The following TMEM260 variants were observed in gnomAD, a reference collection of about 807,000 sequenced individuals.
TMEM260 encodes the protein protein O-mannosyl-transferase TMEM260.
A neutral mutation model predicts 88.9 loss-of-function variants in TMEM260; 82 were observed. That is an observed-to-expected ratio of 0.92 (90% confidence interval 0.77 to 1.11). The LOEUF is 1.11. Among genes scored for constraint, TMEM260 ranks in the 50% least tolerant of loss-of-function variants. The probability of loss-of-function intolerance (pLI) is 0.00; values close to 1 mark genes in which losing one functional copy is unlikely to be tolerated. For missense variants in TMEM260, 902 were observed against 853.4 expected, an observed-to-expected ratio of 1.06 and a Z score of -0.71; for synonymous variants, 314 against 309.3, an observed-to-expected ratio of 1.02 and a Z score of -0.16.
chr14:56,579,972 C>T lies in TMEM260; in HGVS notation c.58C>T (p.Leu20=). The T allele has an allele frequency of 8.0e-7, 1 of 1,243,096 alleles. No individual in the cohort carries two copies. The highest frequency in any genetic ancestry group is 1.0e-6 in the Non-Finnish European group (1 of 989,092). The allele number at this position is 1,243,096 out of a possible 1,614,324, so 77.0% of individuals were successfully genotyped here. ...QAQGRAVRVG[L]RRSGGIRGGV... ...CCAGGGGCGGGCAGTCCGAGTGGGG[C>T]TGCGGCGCTCCGGGGGCATCCGCGG... The change falls in exon 1 of 16, where the codon CTG becomes TTG. Residue 20 remains leucine (L), a synonymous_variant. Transcript: ENST00000261556.
intron 10 of TMEM260, among the ~76,000 whole-genome samples, chr14:56,619,845 TA>T (rs770783919): frequency 2.0e-5 from 3 of 152,212 alleles, no homozygotes; most frequent in Admixed American, 6.5e-5. Context: ...TGCGAATGTT[TA>T]TTACAGCGCT....
intron 12 of TMEM260, among the ~76,000 whole-genome samples, chr14:56,630,814 T>A (rs1888542880): frequency 1.3e-5 from 2 of 152,182 alleles, no homozygotes; most frequent in South Asian, 4.1e-4. Flanking sequence ...GAATGATGAC[T>A]TTTTGGTCTG....
chr14:56,612,478 T>G, intron 7 of TMEM260, 193 bp downstream of exon 7: 1 of 584,504 alleles, frequency 1.7e-6, no homozygotes, highest in Non-Finnish European at 3.0e-6. Context: ...CAGGAACTCC[T>G]AAGGATATAA....
downstream of TMEM260, among the ~76,000 whole-genome samples, chr14:56,653,747 A>AAAAAAAACAACAAC (rs1555343550): frequency 4.1e-5 from 6 of 146,714 alleles, no homozygotes; most frequent in Non-Finnish European, 1.5e-5. Flanking sequence ...AAAACAAAAA[A>AAAAAAAACAACAAC]AAAAAAAACA....
intron 8 of TMEM260, 64 bp from the exon 9 acceptor site, chr14:56,617,119 G>A: frequency 1.0e-6 from 1 of 971,894 alleles, no homozygotes; most frequent in Non-Finnish European, 1.5e-6. Context: ...TTAAAGTCCT[G>A]TGATATTATA....
At chr14:56,586,652 A>T (rs539089954) in intron 3 of TMEM260, among the ~76,000 whole-genome samples, 4 of 152,104 alleles carry the variant, frequency 2.6e-5, no homozygotes, top group Non-Finnish European at 5.9e-5. Context: ...CCAAATTAAA[A>T]CACTTCTTCT....
chr14:56,631,834 T>TATCTA (rs1888628770), intron 12 of TMEM260, among the ~76,000 whole-genome samples: 2 of 152,162 alleles, frequency 1.3e-5, no homozygotes. Context: ...TGTTTCTATC[T>TATCTA]ATCTGTTGGG....
At position 56,584,295 on chromosome 14, in the gene TMEM260, A is replaced by G. The variant is rs182032630; in HGVS notation, c.161-706A>G. Among the ~76,000 whole-genome samples, 9 of 152,242 alleles carry G rather than the reference A, an allele frequency of 5.9e-5. No individual in the cohort carries two copies. The South Asian group carries it at 6.2e-4, about 11-fold the overall frequency. On this transcript the variant is annotated intron_variant, in intron 1 of 15. Coordinates refer to ENST00000261556, the MANE Select transcript of TMEM260 (RefSeq NM_017799.4). ...ATTCCTTACATTGTACGGTACTACA[A>G]TGTACAGGGATGAGTCAGAAATAGT...
chr14:56,649,999 G>T (rs772914971), downstream of TMEM260: 1 of 412,856 alleles, frequency 2.4e-6, no homozygotes, highest in Non-Finnish European at 4.8e-6. Flanking sequence ...CTACTTTGGA[G>T]AATCCTTTCC....
chr14:56,584,985 C>G lies in TMEM260; in HGVS notation c.161-16C>G. Reference sequence around the variant, plus strand: ...TCTCTAATAGTAATTATTGGTTTTACATTATTTTTTCACAGGGGAACTGAT... The same window carrying G: ...TCTCTAATAGTAATTATTGGTTTTAGATTATTTTTTCACAGGGGAACTGAT... On this transcript the variant is annotated splice_polypyrimidine_tract_variant and intron_variant, in intron 1 of 15. Coordinates refer to ENST00000261556, the MANE Select transcript of TMEM260 (RefSeq NM_017799.4). 6.2e-7 allele frequency: 1 copy of G among 1,608,686 alleles called. No individual in the cohort carries two copies. The highest frequency in any genetic ancestry group is 8.5e-7 in the Non-Finnish European group (1 of 1,177,410).
In TMEM260 at chr14:56,639,099, G is replaced by A. The variant is rs551768449; in HGVS notation, c.1869+2501G>A. On this transcript the variant is annotated intron_variant, in intron 15 of 15. Coordinates refer to ENST00000261556, the MANE Select transcript of TMEM260 (RefSeq NM_017799.4). The stretch of plus-strand genomic sequence containing the variant: ...TGAGCCTCCATTCTCTGGAGCAGTT[G>A]GGGAAATGCTCCTGGAAGTGTTGGC... Among the ~76,000 whole-genome samples, 10 of 152,224 alleles carry A rather than the reference G, an allele frequency of 6.6e-5. No individual in the cohort carries two copies. In the South Asian group the frequency reaches 2.1e-3, roughly 32 times the overall value.
chr14:56,656,338 G>C, the TMEM260 span, among the ~76,000 whole-genome samples: 1 of 152,092 alleles, frequency 6.6e-6, no homozygotes, highest in Non-Finnish European at 1.5e-5. Flanking sequence ...AGGATCGCTT[G>C]AACCCGGGAG....
At chr14:56,616,198 A>C (rs1433349204) in intron 8 of TMEM260, 171 bp downstream of exon 8, 3 of 517,562 alleles carry the variant, frequency 5.8e-6, no homozygotes, top group Non-Finnish European at 6.9e-6. Context: ...TCTGATTCTA[A>C]ATAAATCAAT....
intron 3 of TMEM260, 74 bp downstream of exon 3, chr14:56,585,986 A>G: frequency 1.3e-5 from 19 of 1,466,190 alleles, no homozygotes; most frequent in Non-Finnish European, 1.5e-5. Context: ...AAGTACATAC[A>G]TTAAAAAAAT....
At chr14:56,624,258 G>T (rs779882175) in intron 11 of TMEM260, among the ~76,000 whole-genome samples, 10 of 152,038 alleles carry the variant, frequency 6.6e-5, no homozygotes, top group Admixed American at 5.2e-4. Flanking sequence ...GCCATCAAAG[G>T]CATTTCAATT....
At chr14:56,657,325 T>A in the TMEM260 span, among the ~76,000 whole-genome samples, 1 of 152,132 alleles carries the variant, frequency 6.6e-6, no homozygotes, top group Admixed American at 6.5e-5. Flanking sequence ...TTTTTAAAAA[T>A]AGAGGTGAGG....
intron 3 of TMEM260, among the ~76,000 whole-genome samples, chr14:56,586,130 C>T (rs1438137891): frequency 6.6e-6 from 1 of 152,072 alleles, no homozygotes; most frequent in Non-Finnish European, 1.5e-5. Flanking sequence ...GTCACCAGTT[C>T]ATTATCACAG....
At chr14:56,642,879 C>A (rs1263184482) in intron 15 of TMEM260, among the ~76,000 whole-genome samples, 1 of 152,168 alleles carries the variant, frequency 6.6e-6, no homozygotes, top group Non-Finnish European at 1.5e-5. Context: ...CTACTATAAA[C>A]ACGTCTATGC....
chr14:56,634,658 A>G (rs535840616), intron 13 of TMEM260, among the ~76,000 whole-genome samples: 1 of 152,288 alleles, frequency 6.6e-6, no homozygotes, highest in South Asian at 2.1e-4. Context: ...CCTAGCCAAC[A>G]TGGTGAAACT....
Sources: allele counts gnomAD v4.1 joint callset (sites outside exome capture counted in the v4.1 genomes callset), GRCh38; gene constraint gnomAD v4.1.1; transcripts MANE v1.5; gene names NCBI Gene and HGNC (gene_info 2026-07-23, HGNC 2026-07-21).